NUMA1: variants seen among roughly 807,000 people sequenced by gnomAD.
NUMA1 encodes nuclear mitotic apparatus protein 1.
Under a neutral mutation model 237.1 loss-of-function variants are expected in NUMA1, and 62 were observed. The observed-to-expected ratio is 0.26, with a 90% CI of 0.21 to 0.32. The LOEUF is 0.32. NUMA1 is among the 10% of genes least tolerant of loss of function. The pLI is 1.00. For synonymous variants in NUMA1, 1,028 were observed against 1,066.1 expected (o/e 0.96, Z 0.70); for missense variants, 2,533 against 2,666.5 (o/e 0.95, Z 1.10).
rs537131884 is a variant in NUMA1 at position 72,031,497 on chromosome 11, T to C, written c.43-2207A>G. 1.8e-4 allele frequency among the ~76,000 whole-genome samples: 28 copies of C among 152,176 alleles called. 1 individual carries two copies. In the South Asian group the frequency reaches 5.8e-3, roughly 32 times the overall value. ...TTATTTGAGTTAAACACTTTCACAT[T>C]TAAAAACAACTTTTAGGCCAGGCGC... On this transcript the variant is annotated intron_variant, in intron 3 of 26. Coordinates refer to ENST00000393695, the MANE Select transcript of NUMA1 (RefSeq NM_006185.4).
rs568309647 is a variant in NUMA1 at position 72,030,338 on chromosome 11, A to C, written c.43-1048T>G. 2.0e-5 allele frequency among the ~76,000 whole-genome samples: 3 copies of C among 151,792 alleles called. No individual in the cohort carries two copies. The East Asian group carries it at 5.8e-4, about 29-fold the overall frequency. ...GTGACAGAGCAAGACCCTGTCTCCA[A>C]AGGAAAAAAAAAAAGAAAAGAAAAG... On this transcript the variant is annotated intron_variant, in intron 3 of 26. Transcript: ENST00000393695.
intron 1 of NUMA1, among the ~76,000 whole-genome samples, chr11:72,073,048 CAAA>C (rs71052849): frequency 3.3e-4 from 13 of 38,976 alleles, no homozygotes; most frequent in South Asian, 4.0e-3. Flanking sequence ...GACTCCGTCT[CAAA>C]AAAAAAAAAA....
At position 72,005,605 on chromosome 11, in the gene NUMA1, C is replaced by T. The variant is rs185893380; in HGVS notation, c.5693-236G>A. 7.0e-5 allele frequency: 38 copies of T among 543,942 alleles called. No homozygotes were observed. The African/African-American group carries it at 7.0e-4, about 10-fold the overall frequency. 33.7% of individuals were successfully genotyped at this position (543,942 alleles called of 1,614,324 possible). A position where few individuals can be genotyped will look rare whatever the true frequency, so the allele number is the denominator to read the frequency against. On this transcript the variant is annotated intron_variant, in intron 22 of 26. Transcript: ENST00000393695. ...AAGAGGTCACACGCAGAGACTGCTA[C>T]TACATCTTACTCACCTGCCAAGGCT...
At position 72,004,314 on chromosome 11, in the gene NUMA1, G is replaced by T; in HGVS notation, c.6034C>A (p.Arg2012Ser). ...ESKKATSCFP[R>S]PMTPRDRHEG... is the part of the protein sequence containing the mutation. ...TGTCGGTCTCGGGGAGTCATGGGGC[G>T]TGGGAAACAGCTGGTGGCCTTCTTA... Residue 2012 changes from arginine to serine, a missense_variant, in exon 25 of 27, where the codon CGC (arginine) becomes AGC (serine). By Grantham distance (110) the Arg-to-Ser change is moderately radical (BLOSUM62 -1). Transcript: ENST00000393695. 1 of 1,613,082 alleles carries T rather than the reference G, an allele frequency of 6.2e-7. No individual in the cohort carries two copies. The highest frequency in any genetic ancestry group is 1.3e-5 in the African/African-American group (1 of 74,910).
rs1336277873 is a variant in NUMA1 at position 72,022,360 on chromosome 11, T to C, written c.351A>G (p.Glu117=). The C allele has an allele frequency of 1.9e-6, 3 of 1,613,394 alleles. No individual in the cohort carries two copies. Among genetic ancestry groups the C allele is most frequent in the Non-Finnish European group, 1.7e-6 (2 of 1,179,420 alleles). The change falls in exon 7 of 27, where the codon GAA becomes GAG. Residue 117 remains glutamate (E), a synonymous_variant. Transcript: ENST00000393695. ...TTACCTGAATTTTATATTCAAACTG[T>C]TCCCAGTCCCTGGGACTTTTGGAGC... is the stretch of plus-strand genomic sequence containing the variant. ...TMSSKSPRDW[E]QFEYKIQAEL...
chr11:72,027,423 A>G (rs1445379634), intron 4 of NUMA1, among the ~76,000 whole-genome samples: 1 of 146,044 alleles, frequency 6.8e-6, no homozygotes, highest in Non-Finnish European at 1.5e-5. Flanking sequence ...TATCCTTGAC[A>G]AAAAAAAAAA....
intron 20 of NUMA1, chr11:72,007,710 A>G: frequency 4.0e-6 from 2 of 495,860 alleles, no homozygotes; most frequent in Non-Finnish European, 7.2e-6. Flanking sequence ...CACAGCAAAC[A>G]CGTCCCAATC....
chr11:72,003,871 CTGCCAG>C lies in NUMA1; in HGVS notation c.6336+10_6336+15del, dbSNP rs754755633. 2.5e-6 allele frequency: 4 copies of C among 1,612,760 alleles called. No homozygotes were observed. The Admixed American group carries it at 6.7e-5, about 27-fold the overall frequency. ...TCTCATCGGGTTTCCCTCCCCCATC[CTGCCAG>C]TGCCTCTACCTTGCCCTTGGCTCGA... On this transcript the variant is annotated intron_variant, in intron 26 of 26. Transcript: ENST00000393695.
At chr11:72,061,487 T>TTC (rs1942939189) in intron 2 of NUMA1, among the ~76,000 whole-genome samples, 100 of 71,988 alleles carry the variant, frequency 1.4e-3, no homozygotes, top group Admixed American at 5.1e-3. Flanking sequence ...TTTCTTTTCT[T>TTC]TTTTTTTTTT....
intron 2 of NUMA1, among the ~76,000 whole-genome samples, chr11:72,060,354 T>C (rs1040634794): frequency 6.6e-6 from 1 of 152,202 alleles, no homozygotes; most frequent in Non-Finnish European, 1.5e-5. Context: ...AACAATAACT[T>C]GCCTAAGCAC....
intron 4 of NUMA1, 25 bp from the exon 5 acceptor site, chr11:72,024,378 C>G: frequency 6.2e-7 from 1 of 1,604,834 alleles, no homozygotes; most frequent in South Asian, 1.1e-5. Context: ...AGTATTAGGA[C>G]CAGAGTATTC....
At chr11:72,008,074 G>A (rs985436815) in intron 20 of NUMA1, 5 of 475,524 alleles carry the variant, frequency 1.1e-5, no homozygotes, top group African/African-American at 5.9e-5. Flanking sequence ...TCTGTTAAAG[G>A]AGACAGAATA....
At position 72,007,172 on chromosome 11, in the gene NUMA1, T is replaced by C; in HGVS notation, c.5463+17A>G. 17 of 1,604,416 alleles carry C rather than the reference T, an allele frequency of 1.1e-5. No homozygotes were observed. The highest frequency in any genetic ancestry group is 2.2e-5 in the East Asian group (1 of 44,872). Reference sequence around the variant, plus strand: ...GTGGGAATTGCTGCCCTGCAGCCCCTGTCCCAGCAGCCTGACCTTGGTCAT... The same window carrying C: ...GTGGGAATTGCTGCCCTGCAGCCCCCGTCCCAGCAGCCTGACCTTGGTCAT... On this transcript the variant is annotated intron_variant, in intron 21 of 26. Coordinates refer to ENST00000393695, the MANE Select transcript of NUMA1 (RefSeq NM_006185.4).
chr11:72,052,769 T>TCAAAAAAAAAAA (rs1942440196), intron 2 of NUMA1, among the ~76,000 whole-genome samples: 1 of 149,722 alleles, frequency 6.7e-6, no homozygotes, highest in Non-Finnish European at 1.5e-5. Flanking sequence ...AGACTCCATC[T>TCAAAAAAAAAAA]CAAAAAAAAA....
chr11:72,056,573 G>A (rs1208329370), intron 2 of NUMA1, among the ~76,000 whole-genome samples: 1 of 134,220 alleles, frequency 7.5e-6, no homozygotes, highest in Non-Finnish European at 1.5e-5. Context: ...GCCTGCCTCA[G>A]CCTCCCAAAG....
intron 2 of NUMA1, among the ~76,000 whole-genome samples, chr11:72,050,025 T>TCC (rs1332113969): frequency 6.6e-6 from 1 of 151,926 alleles, no homozygotes; most frequent in East Asian, 1.9e-4. Context: ...TTAGGACCCA[T>TCC]CCCCAAAGCG....
In NUMA1 at chr11:72,021,341, G is replaced by A. The variant is rs1938791401; in HGVS notation, c.373-50C>T. The A allele has an allele frequency of 5.2e-6, 8 of 1,541,602 alleles. No homozygotes were observed. The African/African-American group carries it at 8.1e-5, about 16-fold the overall frequency. On this transcript the variant is annotated intron_variant, in intron 7 of 26. Coordinates refer to ENST00000393695, the MANE Select transcript of NUMA1 (RefSeq NM_006185.4). The stretch of plus-strand genomic sequence containing the variant: ...ATCACTTAGGTGTTAGGCCTCTGAA[G>A]GGATGGCTGCCAGGAGCTCCACCCT...
chr11:72,067,059 T>A (rs1300969673), intron 2 of NUMA1: 7 of 152,148 alleles, frequency 4.6e-5, no homozygotes, highest in Admixed American at 4.6e-4. Flanking sequence ...TAATTAAAAC[T>A]AAAGGGCAAT....
chr11:72,006,297 G>C (rs773987753), intron 21 of NUMA1, 34 bp from the exon 22 acceptor site: 8 of 1,587,372 alleles, frequency 5.0e-6, no homozygotes, highest in East Asian at 2.2e-5. Context: ...GCAGTGTACA[G>C]TCCCTGGCAC....
Sources: gnomAD v4.1 joint callset for allele counts (sites outside exome capture counted in the v4.1 genomes callset) on GRCh38, gnomAD v4.1.1 for gene constraint, MANE v1.5 for transcripts, NCBI Gene and HGNC (gene_info 2026-07-23, HGNC 2026-07-21) for gene names.